Variants in CRISP1 observed in about 807,000 individuals in gnomAD.
The protein encoded by CRISP1 is cysteine rich secretory protein 1, also known as cysteine-rich secretory protein 1.
Under a neutral mutation model 33.1 loss-of-function variants are expected in CRISP1, and 44 were observed. The ratio of observed to expected loss-of-function variants is 1.33; its 90% CI spans 1.05 to 1.71. The LOEUF (loss-of-function observed/expected upper bound fraction) is 1.71. CRISP1 is among the 40% of genes most tolerant of loss of function. The pLI is 0.00. For missense variants in CRISP1, 390 were observed against 301.2 expected (o/e 1.29, Z -2.18); for synonymous variants, 103 against 98.7 (o/e 1.04, Z -0.26).
At chr6:49,848,443 C>A (rs1582267862) in intron 3 of CRISP1, 144 bp from the exon 4 acceptor site, 2 of 479,294 alleles carry the variant, frequency 4.2e-6, no homozygotes, top group Non-Finnish European at 3.6e-6. Context: ...ATTAAACGTT[C>A]TAGTAGAAAG....
intron 1 of CRISP1, among the ~76,000 whole-genome samples, chr6:49,875,248 A>G (rs1355171416): frequency 6.6e-6 from 1 of 151,870 alleles, no homozygotes; most frequent in African/African-American, 2.4e-5. Context: ...GCAAAAGTCA[A>G]TAATATTCCT....
At chr6:49,870,284 T>G (rs1343504348), upstream of CRISP1, among the ~76,000 whole-genome samples, 1 of 152,192 alleles carries the variant, frequency 6.6e-6, no homozygotes, top group African/African-American at 2.4e-5. Context: ...GATGACATAC[T>G]CAAACTGGGT....
In CRISP1 at chr6:49,841,874, C is replaced by A. The variant is rs148614516; in HGVS notation, c.436-879G>T. Among the ~76,000 whole-genome samples, 655 of 152,212 alleles carry A rather than the reference C, an allele frequency of 4.3e-3. 5 individuals carry two copies. The highest frequency in any genetic ancestry group is 0.015 in the African/African-American group (619 of 41,540). On this transcript the variant is annotated intron_variant, in intron 5 of 7. Transcript: ENST00000335847. ...TGGGATACAACAACGCTGTCCTCTA[C>A]ATCATAAGTGAATGGTAGGATTAAA...
At chr6:49,838,310 A>G (rs1770868828) in intron 7 of CRISP1, 127 bp downstream of exon 7, 4 of 710,732 alleles carry the variant, frequency 5.6e-6, no homozygotes, top group Non-Finnish European at 9.5e-6. Flanking sequence ...GTAAGCAGAA[A>G]TAATTTGTAC....
intron 5 of CRISP1, among the ~76,000 whole-genome samples, chr6:49,843,550 C>T (rs62404901): frequency 0.097 from 14,738 of 152,202 alleles, 996 homozygotes; most frequent in Non-Finnish European, 0.15. Flanking sequence ...GCACTCTAAT[C>T]TTGGACTTCC....
intron 5 of CRISP1, among the ~76,000 whole-genome samples, chr6:49,842,665 G>A (rs1771032455): frequency 2.0e-5 from 3 of 152,004 alleles, no homozygotes; most frequent in Admixed American, 2.0e-4. Flanking sequence ...ATTCTGCTTG[G>A]AACCCTGTAT....
chr6:49,873,654 A>C (rs1561953277), intron 1 of CRISP1, among the ~76,000 whole-genome samples: 1 of 152,150 alleles, frequency 6.6e-6, no homozygotes, highest in Non-Finnish European at 1.5e-5. Context: ...AACTGGTTAT[A>C]TCAAATGTGA....
At chr6:49,849,959 C>T (rs1771299462) in intron 3 of CRISP1, among the ~76,000 whole-genome samples, 1 of 151,966 alleles carries the variant, frequency 6.6e-6, no homozygotes. Context: ...TGTATAGCCT[C>T]TCTGGGCTGG....
Position 49,840,890 on chromosome 6 carries a change from A to G in CRISP1, c.533+8T>C. On this transcript the variant is annotated splice_region_variant and intron_variant, in intron 6 of 7. Coordinates refer to ENST00000335847, the MANE Select transcript of CRISP1 (RefSeq NM_001131.3). ...GGGATATATATTTTAAAAACTAATA[A>G]TACATACTCATGACAATAGTGACAA... 5 of 1,606,684 alleles carry G rather than the reference A, an allele frequency of 3.1e-6. No individual in the cohort carries two copies. The highest frequency in any genetic ancestry group is 4.3e-6 in the Non-Finnish European group (5 of 1,174,428).
rs1406027606 is a variant in CRISP1, at chr6:49,846,664, G to A, written c.291C>T (p.Thr97=). The change falls in exon 5 of 8, where the codon ACC becomes ACT. Residue 97 remains threonine (T), a synonymous_variant. Coordinates refer to ENST00000335847, the MANE Select transcript of CRISP1 (RefSeq NM_001131.3). ...SNPLERRLPN[T]FCGENMHMTS... is the part of the protein sequence containing the mutation. ...TCATATGCATATTTTCTCCACAAAA[G>A]GTATCTGAAATGAGAAAACGGGCTG... is the stretch of plus-strand genomic sequence containing the variant. The A allele has an allele frequency of 5.0e-6, 8 of 1,612,838 alleles. No homozygotes were observed. Among genetic ancestry groups the A allele is most frequent in the Non-Finnish European group, 4.2e-6 (5 of 1,179,426 alleles).
In CRISP1 at chr6:49,854,725, A is replaced by T. The variant is rs934925870; in HGVS notation, c.67-2596T>A. Among the ~76,000 whole-genome samples the T allele has an allele frequency of 2.6e-5, 4 of 152,034 alleles. No homozygotes were observed. The East Asian group carries it at 7.7e-4, about 29-fold the overall frequency. On this transcript the variant is annotated intron_variant, in intron 2 of 7. Coordinates refer to ENST00000335847, the MANE Select transcript of CRISP1 (RefSeq NM_001131.3). ...TTACCTCCCTCCATTTTTTTCAATA[A>T]TATGTTCTCTATTCTAGGTGATCCA...
chr6:49,848,323 C>T lies in CRISP1; in HGVS notation c.196-24G>A, dbSNP rs1403145233. Reference sequence around the variant, plus strand: ...CTCTGTAGTGGAAAGAAAAAAAAAGCACATGTTCCAATTAATATTTTCATA... The same window carrying T: ...CTCTGTAGTGGAAAGAAAAAAAAAGTACATGTTCCAATTAATATTTTCATA... On this transcript the variant is annotated intron_variant, in intron 3 of 7. Transcript: ENST00000335847. The T allele has an allele frequency of 9.0e-6, 12 of 1,337,224 alleles. 1 individual carries two copies. The Admixed American group carries it at 1.3e-4, about 14-fold the overall frequency. 82.8% of individuals were successfully genotyped at this position (1,337,224 alleles called of 1,614,324 possible).
At chr6:49,854,228 G>C (rs2127474746) in intron 2 of CRISP1, among the ~76,000 whole-genome samples, 1 of 152,054 alleles carries the variant, frequency 6.6e-6, no homozygotes, top group South Asian at 2.1e-4. Flanking sequence ...TCTTTCTAAG[G>C]CTCAATTCTC....
At chr6:49,855,836 A>G (rs2127475243) in intron 2 of CRISP1, among the ~76,000 whole-genome samples, 1 of 152,304 alleles carries the variant, frequency 6.6e-6, no homozygotes, top group African/African-American at 2.4e-5. Context: ...GAGTCTGAAA[A>G]AAGAAAGCAT....
chr6:49,858,486 T>A (rs770872500), intron 1 of CRISP1, among the ~76,000 whole-genome samples: 2 of 152,188 alleles, frequency 1.3e-5, no homozygotes, highest in African/African-American at 2.4e-5. Flanking sequence ...TTTCACCCAA[T>A]GATGTAGTTT....
chr6:49,843,155 A>G (rs928545973), intron 5 of CRISP1, among the ~76,000 whole-genome samples: 2 of 152,128 alleles, frequency 1.3e-5, no homozygotes, highest in Non-Finnish European at 2.9e-5. Flanking sequence ...CCAGGCCACA[A>G]ATTTCTTAGA....
intron 1 of CRISP1, among the ~76,000 whole-genome samples, chr6:49,860,780 C>T: frequency 6.6e-6 from 1 of 151,660 alleles, no homozygotes; most frequent in Admixed American, 6.6e-5. Context: ...CAGAACTAGA[C>T]AAAATAGAGA....
In CRISP1 at chr6:49,846,686, G is replaced by A; in HGVS notation, c.287-18C>T. The A allele has an allele frequency of 6.2e-7, 1 of 1,611,556 alleles. No individual in the cohort carries two copies. The highest frequency in any genetic ancestry group is 8.5e-7 in the Non-Finnish European group (1 of 1,178,672). Reference sequence around the variant, plus strand: ...AAAGGTATCTGAAATGAGAAAACGGGCTGGGTCATACTCTGAACAAATGGG... The same window carrying A: ...AAAGGTATCTGAAATGAGAAAACGGACTGGGTCATACTCTGAACAAATGGG... On this transcript the variant is annotated intron_variant, in intron 4 of 7. Coordinates refer to ENST00000335847, the MANE Select transcript of CRISP1 (RefSeq NM_001131.3).
At chr6:49,855,452 T>C (rs1771468849) in intron 2 of CRISP1, among the ~76,000 whole-genome samples, 1 of 152,124 alleles carries the variant, frequency 6.6e-6, no homozygotes. Flanking sequence ...ATTTTTTTTT[T>C]TTTGGTTATC....
Sources: allele counts gnomAD v4.1 joint callset (sites outside exome capture counted in the v4.1 genomes callset), GRCh38; gene constraint gnomAD v4.1.1; transcripts MANE v1.5; gene names NCBI Gene and HGNC (gene_info 2026-07-23, HGNC 2026-07-21).